The following MITF variants were observed in gnomAD, a reference collection of about 807,000 sequenced individuals.
MITF encodes melanocyte inducing transcription factor, also known as microphthalmia-associated transcription factor.
Under a neutral mutation model 60.5 loss-of-function variants are expected in MITF, and 17 were observed. The observed-to-expected ratio is 0.28, with a 90% confidence interval of 0.19 to 0.42. MITF has a LOEUF of 0.42. MITF is among the 10% of genes least tolerant of loss of function. The pLI is 1.00. For synonymous variants in MITF, 260 were observed against 248.5 expected (o/e 1.05, Z -0.43); for missense variants, 622 against 683.5 (o/e 0.91, Z 1.00).
chr3:69,772,675 G>A (rs1220173632), intron 1 of MITF, among the ~76,000 whole-genome samples: 2 of 152,138 alleles, frequency 1.3e-5, no homozygotes, highest in Non-Finnish European at 2.9e-5. Context: ...TCAGTTAAAA[G>A]TGGGTACATA....
At chr3:69,886,395 A>C (rs954642107) in intron 2 of MITF, among the ~76,000 whole-genome samples, 2 of 152,068 alleles carry the variant, frequency 1.3e-5, no homozygotes, top group South Asian at 4.1e-4. Flanking sequence ...TAGTAACCTT[A>C]GGAAACAAGT....
At chr3:69,923,002 G>A (rs1020660974) in intron 2 of MITF, among the ~76,000 whole-genome samples, 3 of 152,186 alleles carry the variant, frequency 2.0e-5, no homozygotes, top group Non-Finnish European at 4.4e-5. Flanking sequence ...ATTGGGTAGC[G>A]TTTTGGTTTA....
At chr3:69,851,571 T>C (rs959859429) in intron 1 of MITF, among the ~76,000 whole-genome samples, 2 of 152,224 alleles carry the variant, frequency 1.3e-5, no homozygotes, top group African/African-American at 4.8e-5. Context: ...GCCTGAATGC[T>C]ATATGATTCC....
Position 69,746,962 on chromosome 3 carries a change from G to A in MITF, c.104+7261G>A, listed in dbSNP as rs531827921. 7.9e-5 allele frequency among the ~76,000 whole-genome samples: 12 copies of A among 152,228 alleles called. No individual in the cohort carries two copies. The South Asian group carries it at 1.7e-3, about 21-fold the overall frequency. ...TACAATGTGGCTTTCTTATTTCTTC[G>A]CTTCGTCTTTCCCTCCTGTGGCTTT... On this transcript the variant is annotated intron_variant, in intron 1 of 9. Coordinates refer to ENST00000352241, the MANE Select transcript of MITF (RefSeq NM_001354604.2).
intron 2 of MITF, among the ~76,000 whole-genome samples, chr3:69,891,030 G>A (rs1289334400): frequency 6.6e-6 from 1 of 152,078 alleles, no homozygotes; most frequent in African/African-American, 2.4e-5. Flanking sequence ...TTTGGAGTTA[G>A]ATCTATTTTC....
Position 69,927,802 on chromosome 3 carries a change from A to G in MITF, c.355-10020A>G, listed in dbSNP as rs191063134. On this transcript the variant is annotated intron_variant, in intron 2 of 9. Coordinates refer to ENST00000352241, the MANE Select transcript of MITF (RefSeq NM_001354604.2). ...TGCTGGGAGACAGCAGGCAGTTCAC[A>G]CATCACCCCCACAACAAAGCAGTAT... 2.9e-3 allele frequency among the ~76,000 whole-genome samples: 439 copies of G among 152,344 alleles called. 2 individuals are homozygous for G. Among genetic ancestry groups the G allele is most frequent in the Non-Finnish European group, 5.2e-3 (354 of 68,034 alleles).
chr3:69,809,296 A>T (rs1457748208), intron 1 of MITF, among the ~76,000 whole-genome samples: 5 of 152,182 alleles, frequency 3.3e-5, no homozygotes, highest in African/African-American at 9.7e-5. Flanking sequence ...CTGTAGCATG[A>T]TCTCAACCAG....
chr3:69,754,879 C>T (rs1025824809), intron 1 of MITF, among the ~76,000 whole-genome samples: 1 of 150,696 alleles, frequency 6.6e-6, no homozygotes, highest in South Asian at 2.2e-4. Flanking sequence ...TAGTTTTAGA[C>T]ACCTTAATAA....
At chr3:69,746,482 C>G (rs759742811) in intron 1 of MITF, among the ~76,000 whole-genome samples, 1 of 151,986 alleles carries the variant, frequency 6.6e-6, no homozygotes, top group Non-Finnish European at 1.5e-5. Flanking sequence ...TGTCATCTTT[C>G]AAGGACAATA....
chr3:69,932,208 C>G (rs2065739897), intron 2 of MITF, among the ~76,000 whole-genome samples: 1 of 152,126 alleles, frequency 6.6e-6, no homozygotes, highest in South Asian at 2.1e-4. Flanking sequence ...AATTTTAGGC[C>G]TTGGGGGCCC....
At chr3:69,810,677 A>G (rs1424363409) in intron 1 of MITF, among the ~76,000 whole-genome samples, 1 of 152,180 alleles carries the variant, frequency 6.6e-6, no homozygotes, top group Non-Finnish European at 1.5e-5. Flanking sequence ...GTGACAAGGA[A>G]ATAATAATGC....
At chr3:69,830,297 G>A (rs1461657953) in intron 1 of MITF, among the ~76,000 whole-genome samples, 1 of 152,060 alleles carries the variant, frequency 6.6e-6, no homozygotes, top group African/African-American at 2.4e-5. Context: ...ATTTGGGCTG[G>A]CCTCCTCACT....
At chr3:69,936,754 A>G in intron 2 of MITF, 1 of 1,613,318 alleles carries the variant, frequency 6.2e-7, no homozygotes, top group Non-Finnish European at 8.5e-7. Context: ...AATCACTATC[A>G]GGTGAGATTT....
At chr3:69,862,034 A>G (rs1159571654) in intron 1 of MITF, among the ~76,000 whole-genome samples, 2 of 151,280 alleles carry the variant, frequency 1.3e-5, no homozygotes, top group African/African-American at 2.4e-5. Flanking sequence ...GACCATTTAC[A>G]TAGATAATAT....
chr3:69,851,956 G>A (rs1206990753), intron 1 of MITF, among the ~76,000 whole-genome samples: 1 of 152,100 alleles, frequency 6.6e-6, no homozygotes, highest in Non-Finnish European at 1.5e-5. Context: ...ATAATGCAGT[G>A]CTTTATGGGA....
chr3:69,872,052 T>C (rs1299923420), intron 1 of MITF, among the ~76,000 whole-genome samples: 1 of 152,170 alleles, frequency 6.6e-6, no homozygotes. Flanking sequence ...GGAAGCTTGA[T>C]ATGAAAAACA....
At chr3:69,913,249 TG>T (rs1196563655) in intron 2 of MITF, among the ~76,000 whole-genome samples, 1 of 151,586 alleles carries the variant, frequency 6.6e-6, no homozygotes, top group Non-Finnish European at 1.5e-5. Flanking sequence ...GAGTAGGGAG[TG>T]GGGGCTTTTT....
intron 1 of MITF, among the ~76,000 whole-genome samples, chr3:69,847,952 G>A (rs1461626892): frequency 1.3e-5 from 2 of 152,190 alleles, no homozygotes; most frequent in Non-Finnish European, 2.9e-5. Flanking sequence ...ATTTAATGAT[G>A]TGCTGGCCAC....
chr3:69,808,561 AGGTAAAGTGTTT>A (rs999162075), intron 1 of MITF, among the ~76,000 whole-genome samples: 2 of 151,960 alleles, frequency 1.3e-5, no homozygotes, highest in Admixed American at 1.3e-4. Flanking sequence ...CTCCCTAGGG[AGGTAAAGTGTTT>A]GCTGAGCTCT....
Sources: allele counts gnomAD v4.1 joint callset (sites outside exome capture counted in the v4.1 genomes callset), GRCh38; gene constraint gnomAD v4.1.1; transcripts MANE v1.5; gene names NCBI Gene and HGNC (gene_info 2026-07-23, HGNC 2026-07-21).